ATP13A2: variants seen among roughly 807,000 people sequenced by gnomAD.
ATP13A2 encodes ATPase cation transporting 13A2.
A neutral mutation model predicts 138.3 loss-of-function variants in ATP13A2; 83 were observed. That is an observed-to-expected ratio of 0.60 (90% confidence interval 0.50 to 0.72). The LOEUF is 0.72. Among genes scored for constraint, ATP13A2 ranks in the 30% least tolerant of loss-of-function variants. ATP13A2 has a pLI of 0.00. For synonymous variants in ATP13A2, 663 were observed against 699.0 expected (o/e 0.95, Z 0.81); for missense variants, 1,402 against 1,606.4 (o/e 0.87, Z 2.17).
chr1:16,995,986 C>T lies in ATP13A2; in HGVS notation c.1532G>A (p.Cys511Tyr). 1.2e-6 allele frequency: 2 copies of T among 1,614,022 alleles called. No individual in the cohort carries two copies. The highest frequency in any genetic ancestry group is 1.7e-6 in the Non-Finnish European group (2 of 1,180,040). ...CACCTGCGGCCCCACCTTGTCGAAA[C>T]ACACCAGCTGCAGCTTGCCCCCCAG... The part of the protein sequence containing the change: ...INLGGKLQLV[C>Y]FDKTGTLTED... Residue 511 changes from cysteine to tyrosine, a missense_variant, in exon 15 of 29, where the codon TGT becomes TAT. Physicochemically the swap from Cys to Tyr is radical, Grantham distance 194. Transcript: ENST00000326735. The surrounding 1 kb of genome is among the most constrained non-coding windows in gnomAD (Gnocchi z 4.1).
intron 10 of ATP13A2, 52 bp from the exon 11 acceptor site, chr1:17,000,194 G>GGCCCCCCCC: frequency 3.2e-6 from 5 of 1,570,254 alleles, no homozygotes; most frequent in Non-Finnish European, 3.5e-6. Context: ...CCCCAGCCAT[G>GGCCCCCCCC]CCCCCCCACC....
chr1:16,996,500 G>C lies in ATP13A2; in HGVS notation c.1196-4C>G, dbSNP rs1295669120. On this transcript the variant is annotated splice_polypyrimidine_tract_variant and splice_region_variant and intron_variant, in intron 12 of 28. Transcript: ENST00000326735. ...CCCCCTTTTGCCGTGCAGAACCCTG[G>C]GGAGGAGGCGGGGACCCCAAGGCAG... 6.2e-7 allele frequency: 1 copy of C among 1,613,208 alleles called. No individual in the cohort carries two copies. The highest frequency in any genetic ancestry group is 8.5e-7 in the Non-Finnish European group (1 of 1,179,568).
Position 17,005,546 on chromosome 1 carries a change from C to A in ATP13A2, c.116G>T (p.Gly39Val). Residue 39 changes from glycine (G) to valine (V), a missense_variant, in exon 3 of 29, where the codon GGC (glycine) becomes GTC (valine). Transcript: ENST00000326735. ...SSSVSSVRLSGYCGSPWRVIG... is the reference protein window; with the variant it reads ...SSSVSSVRLSVYCGSPWRVIG... Reference sequence around the variant, plus strand: ...GACCCTCCATGGACTGCCACAGTAGCCGCTGAGCCTCTGCGAACGCAGCGA... The same window carrying A: ...GACCCTCCATGGACTGCCACAGTAGACGCTGAGCCTCTGCGAACGCAGCGA... 6.2e-7 allele frequency: 1 copy of A among 1,614,238 alleles called. No homozygotes were observed.
At chr1:17,007,148 G>GCTGA (rs1168714904) in intron 1 of ATP13A2, among the ~76,000 whole-genome samples, 1 of 152,200 alleles carries the variant, frequency 6.6e-6, no homozygotes, top group Non-Finnish European at 1.5e-5. Context: ...TGAGTGCTGG[G>GCTGA]CTGACAGGCT....
Position 16,995,471 on chromosome 1 carries a change from ATTTT to A in ATP13A2, c.1542+501_1542+504del, listed in dbSNP as rs766448101. 9.3e-6 allele frequency: 2 copies of A among 214,626 alleles called. No homozygotes were observed. Among genetic ancestry groups the A allele is most frequent in the Non-Finnish European group, 1.9e-5 (2 of 107,480 alleles). 13.3% of individuals were successfully genotyped at this position (214,626 alleles called of 1,614,324 possible). On this transcript the variant is annotated intron_variant, in intron 15 of 28. Transcript: ENST00000326735. The surrounding 1 kb of genome is among the most constrained non-coding windows in gnomAD (Gnocchi z 4.1). The stretch of plus-strand genomic sequence containing the variant: ...CTAGGGCCCCAGGTCCCCACCAGTA[ATTTT>A]TTTTTTTTTTTGAGTTTTGCTCTGT...
intron 1 of ATP13A2, among the ~76,000 whole-genome samples, chr1:17,006,073 T>G (rs1279017725): frequency 4.6e-5 from 7 of 151,968 alleles, no homozygotes; most frequent in Non-Finnish European, 1.0e-4. Context: ...AGGTAGAGGT[T>G]GCAGTGAGGC....
chr1:16,997,318 T>G, intron 11 of ATP13A2, 143 bp from the exon 12 acceptor site: 1 of 1,014,792 alleles, frequency 9.9e-7, no homozygotes, highest in Non-Finnish European at 1.5e-6. Context: ...CAGCCCCATT[T>G]TACAGAGAGG....
chr1:16,993,294 T>C (rs1407068430), intron 16 of ATP13A2, among the ~76,000 whole-genome samples: 1 of 152,084 alleles, frequency 6.6e-6, no homozygotes, highest in Non-Finnish European at 1.5e-5. Context: ...CAGCTCCCTG[T>C]AGCCTCGCCC....
chr1:17,004,521 C>G lies in ATP13A2; in HGVS notation c.478-110G>C. The G allele has an allele frequency of 6.5e-7, 1 of 1,535,916 alleles. No homozygotes were observed. Among genetic ancestry groups the G allele is most frequent in the Non-Finnish European group, 8.9e-7 (1 of 1,121,430 alleles). On this transcript the variant is annotated intron_variant, in intron 5 of 28. Coordinates refer to ENST00000326735, the MANE Select transcript of ATP13A2 (RefSeq NM_022089.4). The surrounding 1 kb of genome is among the most constrained non-coding windows in gnomAD (Gnocchi z 4.1). ...GGTAGGGGGCAGGGACTGGTGTCAC[C>G]AGACAGAGAGGTGGGGAGAGGCCTG...
intron 19 of ATP13A2, 63 bp from the exon 20 acceptor site, chr1:16,991,921 C>T (rs1413319339): frequency 1.2e-6 from 2 of 1,612,438 alleles, no homozygotes; most frequent in Non-Finnish European, 1.7e-6. Context: ...TCCCAGCCAC[C>T]AGGCAGGGCA....
intron 23 of ATP13A2, 126 bp from the exon 24 acceptor site, chr1:16,988,600 G>C (rs746049672): frequency 1.1e-6 from 1 of 901,928 alleles, no homozygotes; most frequent in Non-Finnish European, 1.8e-6. Context: ...GAGGCGCTCA[G>C]TGAATAGATG....
intron 20 of ATP13A2, among the ~76,000 whole-genome samples, chr1:16,990,670 G>A (rs539410074): frequency 1.3e-5 from 2 of 149,362 alleles, no homozygotes; most frequent in African/African-American, 2.4e-5. Flanking sequence ...AGGAGGGTGC[G>A]ACCACACCAG....
Position 16,987,165 on chromosome 1 carries a change from T to C in ATP13A2, c.2964A>G (p.Gly988=). The change falls in exon 26 of 29, where the codon GGA becomes GGG. Residue 988 remains glycine, a synonymous_variant. Coordinates refer to ENST00000326735, the MANE Select transcript of ATP13A2 (RefSeq NM_022089.4). ...GCAGCGCCCCCGGTGGCCGCACCCGTCCCAGGACCAGCGCTGGCCCCGTGC... is the reference window on the plus strand; with the variant it reads ...GCAGCGCCCCCGGTGGCCGCACCCGCCCCAGGACCAGCGCTGGCCCCGTGC... ...MSRTGPALVL[G]RVRPPGALLS... is the part of the protein sequence containing the mutation. 1.2e-6 allele frequency: 2 copies of C among 1,613,190 alleles called. No individual in the cohort carries two copies. Among genetic ancestry groups the C allele is most frequent in the Non-Finnish European group, 8.5e-7 (1 of 1,179,626 alleles).
In ATP13A2 at chr1:16,987,221, T is replaced by TG. The variant is rs2076768613; in HGVS notation, c.2907dup (p.Ile970HisfsTer144). The TG allele has an allele frequency of 6.2e-7, 1 of 1,613,746 alleles. No individual in the cohort carries two copies. The highest frequency in any genetic ancestry group is 8.5e-7 in the Non-Finnish European group (1 of 1,179,852). ...ATGAGCACTGCCACTGTGGTGGTGA[T>TG]GACCAGGTCGATGGCCAGGAACTGC... On this transcript the variant is annotated frameshift_variant, in exon 26 of 29. Transcript: ENST00000326735. LOFTEE classifies it high-confidence loss of function.
In ATP13A2 at chr1:17,011,746, C is replaced by A. The variant is rs760169062; in HGVS notation, c.-8G>T. 1 of 1,459,840 alleles carries A rather than the reference C, an allele frequency of 6.9e-7. No homozygotes were observed. Among genetic ancestry groups the A allele is most frequent in the South Asian group, 1.3e-5 (1 of 76,376 alleles). The allele number at this position is 1,459,840 out of a possible 1,614,324, so 90.4% of individuals were successfully genotyped here. ...GCACTCACCTGCGCTCATGCCGGCT[C>A]CTCGCGCTCATCGCCGGCCCCGGCG... On this transcript the variant is annotated 5_prime_UTR_variant, in exon 1 of 29. Coordinates refer to ENST00000326735, the MANE Select transcript of ATP13A2 (RefSeq NM_022089.4). This position sits in a 1 kb window ranked among gnomAD's most constrained non-coding sequence, Gnocchi z 7.3.
chr1:16,989,547 G>T, intron 23 of ATP13A2, 144 bp downstream of exon 23: 2 of 781,712 alleles, frequency 2.6e-6, no homozygotes, highest in South Asian at 2.9e-5. Flanking sequence ...ACCTGGGAGA[G>T]CCTGCCTGCT....
intron 8 of ATP13A2, among the ~76,000 whole-genome samples, chr1:17,001,801 C>A (rs533089622): frequency 6.6e-6 from 1 of 152,318 alleles, no homozygotes; most frequent in South Asian, 2.1e-4. Flanking sequence ...GGCCTCCAAT[C>A]CCTATGAGTG....
intron 1 of ATP13A2, among the ~76,000 whole-genome samples, chr1:17,010,100 C>A (rs6662605): frequency 2.8e-5 from 4 of 144,084 alleles, no homozygotes; most frequent in East Asian, 4.6e-4. Flanking sequence ...CCGTTCCCCC[C>A]TTCCCCCCTG....
intron 23 of ATP13A2, 25 bp downstream of exon 23, chr1:16,989,666 C>A: frequency 1.2e-6 from 2 of 1,612,744 alleles, no homozygotes; most frequent in Middle Eastern, 1.7e-4. Context: ...CAGGCCCTTG[C>A]CCACACCCTC....
Sources: gnomAD v4.1 joint callset for allele counts (sites outside exome capture counted in the v4.1 genomes callset) on GRCh38, gnomAD v4.1.1 for gene constraint, Gnocchi (gnomAD v3.1) non-coding constraint, MANE v1.5 for transcripts, NCBI Gene and HGNC (gene_info 2026-07-23, HGNC 2026-07-21) for gene names.